PLAUR: variants seen among roughly 807,000 people sequenced by gnomAD.
PLAUR encodes the protein urokinase plasminogen activator surface receptor.
Under a neutral mutation model 33.4 loss-of-function variants are expected in PLAUR, and 22 were observed. That is an observed-to-expected ratio of 0.66 (90% CI 0.47 to 0.94). The LOEUF (loss-of-function observed/expected upper bound fraction) is 0.94. PLAUR is among the 40% of genes least tolerant of loss of function. The pLI is 0.00. For synonymous variants in PLAUR, 148 were observed against 167.3 expected, an observed-to-expected ratio of 0.88 and a Z score of 0.89; for missense variants, 408 against 434.7, an observed-to-expected ratio of 0.94 and a Z score of 0.55.
At position 43,656,394 on chromosome 19, in the gene PLAUR, C is replaced by A. The variant is rs998043348; in HGVS notation, c.472+85G>T. On this transcript the variant is annotated intron_variant, in intron 4 of 6. Coordinates refer to ENST00000340093, the MANE Select transcript of PLAUR (RefSeq NM_002659.4). ...GAGAACTTAGTCCCTTGCTGACATCCCTGTTACTTTGGGGTTGTTTGTTAA... is the reference window on the plus strand; with the variant it reads ...GAGAACTTAGTCCCTTGCTGACATCACTGTTACTTTGGGGTTGTTTGTTAA... 7.2e-6 allele frequency: 9 copies of A among 1,252,132 alleles called. No homozygotes were observed. The African/African-American group carries it at 9.1e-5, about 13-fold the overall frequency. The allele number at this position is 1,252,132 out of a possible 1,614,324, so 77.6% of individuals were successfully genotyped here.
At chr19:43,659,925 A>G (rs1974375092) in intron 3 of PLAUR, among the ~76,000 whole-genome samples, 1 of 152,164 alleles carries the variant, frequency 6.6e-6, no homozygotes, top group African/African-American at 2.4e-5. Context: ...GTGCTAAAAC[A>G]TATCCTTTCT....
At chr19:43,652,641 A>G (rs1974044005) in intron 5 of PLAUR, among the ~76,000 whole-genome samples, 1 of 152,112 alleles carries the variant, frequency 6.6e-6, no homozygotes, top group Non-Finnish European at 1.5e-5. Flanking sequence ...TTGCTCTCAC[A>G]AAAGTTACAA....
At chr19:43,668,739 G>A (rs1407269134) in intron 1 of PLAUR, among the ~76,000 whole-genome samples, 1 of 144,226 alleles carries the variant, frequency 6.9e-6, no homozygotes, top group African/African-American at 2.6e-5. Flanking sequence ...CCCCTCAAGA[G>A]TCTAGTCCCA....
chr19:43,656,845 A>C, intron 3 of PLAUR: 1 of 429,050 alleles, frequency 2.3e-6, no homozygotes, highest in South Asian at 4.2e-5. Context: ...ACCTCCTTCA[A>C]CTCCAGCTAC....
Position 43,650,299 on chromosome 19 carries a change from G to A in PLAUR, c.755-1156C>T, listed in dbSNP as rs368001849. ...GCTGGTATTACAGGCGTGAGCCACC[G>A]CGCCTGGCTGGTTTTTTTTTTGTTG... On this transcript the variant is annotated intron_variant, in intron 6 of 6. Transcript: ENST00000340093. Among the ~76,000 whole-genome samples, 160 of 149,460 alleles carry A rather than the reference G, an allele frequency of 1.1e-3. 2 individuals carry two copies. Among genetic ancestry groups the A allele is most frequent in the East Asian group, 6.0e-4 (3 of 4,998 alleles).
intron 3 of PLAUR, among the ~76,000 whole-genome samples, chr19:43,662,078 C>A (rs964072453): frequency 2.0e-5 from 3 of 152,198 alleles, no homozygotes; most frequent in African/African-American, 7.2e-5. Flanking sequence ...GCACACCTGA[C>A]ACCCTAGTCC....
chr19:43,646,697 C>T (rs910423763), downstream of PLAUR: 4 of 594,046 alleles, frequency 6.7e-6, no homozygotes, highest in Non-Finnish European at 9.0e-6. Context: ...CTTCTTTAAG[C>T]CACTACAGTG....
At chr19:43,654,602 C>T (rs1974127397) in intron 5 of PLAUR, among the ~76,000 whole-genome samples, 1 of 151,868 alleles carries the variant, frequency 6.6e-6, no homozygotes, top group African/African-American at 2.4e-5. Context: ...GGTACGGTGG[C>T]ATGCACCTGT....
rs772985479 is a variant in PLAUR, at chr19:43,656,466, G to T, written c.472+13C>A. ...GAGCAGGGAGGAGGAGTTGCCAGCA[G>T]GTTGGGGCTCACCTTCTTCACCTTC... On this transcript the variant is annotated intron_variant, in intron 4 of 6. Transcript: ENST00000340093. 1 of 1,570,878 alleles carries T rather than the reference G, an allele frequency of 6.4e-7. No individual in the cohort carries two copies. The highest frequency in any genetic ancestry group is 1.8e-5 in the Admixed American group (1 of 55,336).
At chr19:43,665,237 T>A (rs1967174506) in intron 3 of PLAUR, 79 bp downstream of exon 3, 2 of 1,469,078 alleles carry the variant, frequency 1.4e-6, no homozygotes, top group African/African-American at 2.8e-5. Context: ...GATGTAAAGT[T>A]AAGAATAGGA....
chr19:43,665,051 G>A, intron 3 of PLAUR: 1 of 505,666 alleles, frequency 2.0e-6, no homozygotes, highest in Non-Finnish European at 3.6e-6. Context: ...GCTTGGAACA[G>A]GGCTGGGTTT....
At chr19:43,651,210 C>T (rs1016849142) in intron 6 of PLAUR, among the ~76,000 whole-genome samples, 2 of 151,734 alleles carry the variant, frequency 1.3e-5, no homozygotes, top group African/African-American at 4.8e-5. Context: ...TCCCGAGTAG[C>T]TGGGATTATA....
rs138656436 is a variant in PLAUR, at chr19:43,656,352, G to C, written c.472+127C>G. 4.0e-3 allele frequency: 3,149 copies of C among 780,804 alleles called. 13 individuals carry two copies. Among genetic ancestry groups the C allele is most frequent in the Middle Eastern group, 0.015 (59 of 3,982 alleles). The allele number at this position is 780,804 out of a possible 1,614,324, so 48.4% of individuals were successfully genotyped here. A position where few individuals can be genotyped will look rare whatever the true frequency, so the allele number is the denominator to read the frequency against. On this transcript the variant is annotated intron_variant, in intron 4 of 6. Coordinates refer to ENST00000340093, the MANE Select transcript of PLAUR (RefSeq NM_002659.4). ...TTGTGGCCCTGGACTTCCTATCACT[G>C]GACCTCTTGTGTATGAGAGAACTTA... is the stretch of plus-strand genomic sequence containing the variant.
At chr19:43,665,014 T>C in intron 3 of PLAUR, 1 of 366,246 alleles carries the variant, frequency 2.7e-6, no homozygotes, top group Non-Finnish European at 5.1e-6. Flanking sequence ...AAGGATGGGG[T>C]TGATTTGGGG....
intron 3 of PLAUR, among the ~76,000 whole-genome samples, chr19:43,657,046 T>C (rs1235962911): frequency 2.0e-5 from 3 of 151,232 alleles, no homozygotes; most frequent in Non-Finnish European, 4.4e-5. Flanking sequence ...CGGGTTCAAG[T>C]GATTCTCCTG....
In PLAUR at chr19:43,648,805, C is replaced by A; in HGVS notation, c.*85G>T. The A allele has an allele frequency of 7.0e-7, 1 of 1,431,128 alleles. No homozygotes were observed. The allele number at this position is 1,431,128 out of a possible 1,614,324, so 88.7% of individuals were successfully genotyped here. A position where few individuals can be genotyped will look rare whatever the true frequency, so the allele number is the denominator to read the frequency against. ...AGGTCGGCACACTGGCCTGAGGTCA[C>A]ACAGCAAGTCTGTAGGGCTGGGAGC... is the stretch of plus-strand genomic sequence containing the variant. On this transcript the variant is annotated 3_prime_UTR_variant, in exon 7 of 7. Coordinates refer to ENST00000340093, the MANE Select transcript of PLAUR (RefSeq NM_002659.4).
Position 43,663,408 on chromosome 19 carries a change from G to A in PLAUR, c.310+1908C>T, listed in dbSNP as rs554804452. The stretch of plus-strand genomic sequence containing the variant: ...GCACAAGGCTGTCTTGGTCCCTGCT[G>A]TGTTCCCAGCATCATGTAAGTACTG... On this transcript the variant is annotated intron_variant, in intron 3 of 6. Transcript: ENST00000340093. Among the ~76,000 whole-genome samples, 357 of 151,546 alleles carry A rather than the reference G, an allele frequency of 2.4e-3. 2 individuals carry two copies. Among genetic ancestry groups the A allele is most frequent in the African/African-American group, 7.6e-3 (313 of 41,248 alleles).
chr19:43,656,523 T>C lies in PLAUR; in HGVS notation c.428A>G (p.Gln143Arg). 1 of 1,610,204 alleles carries C rather than the reference T, an allele frequency of 6.2e-7. No homozygotes were observed. Among genetic ancestry groups the C allele is most frequent in the Non-Finnish European group, 8.5e-7 (1 of 1,177,680 alleles). The change falls in exon 4 of 7, where the codon CAG (glutamine) becomes CGG (arginine). Residue 143 changes from glutamine (Q) to arginine (R), a missense_variant. Coordinates refer to ENST00000340093, the MANE Select transcript of PLAUR (RefSeq NM_002659.4). ...CCAGTGGGTCACCACATCCAGGCAC[T>C]GTTCTTCAGGGCTGCGGCACTGCAG... ...QSLQCRSPEE[Q>R]CLDVVTHWIQ...
At chr19:43,656,429 TAGGG>T in intron 4 of PLAUR, 46 bp downstream of exon 4, 1 of 1,508,984 alleles carries the variant, frequency 6.6e-7, no homozygotes, top group Non-Finnish European at 8.9e-7. Context: ...AGTGCAGTCT[TAGGG>T]AGGAGCAGAG....
Sources: allele counts gnomAD v4.1 joint callset (sites outside exome capture counted in the v4.1 genomes callset), GRCh38; gene constraint gnomAD v4.1.1; transcripts MANE v1.5; gene names NCBI Gene and HGNC (gene_info 2026-07-23, HGNC 2026-07-21).